Variants in CDIN1 observed in about 807,000 individuals in gnomAD.
The protein encoded by CDIN1 is CDAN1 interacting nuclease 1.
In CDIN1, 33 loss-of-function variants were observed where a neutral mutation model predicts 45.3. The observed-to-expected ratio is 0.73, with a 90% confidence interval of 0.55 to 0.97. CDIN1 has a LOEUF of 0.97. Ranked by LOEUF, CDIN1 falls within the 50% of genes least tolerant of loss-of-function variation. CDIN1 has a pLI of 0.00. For missense variants in CDIN1, 303 were observed against 339.4 expected (o/e 0.89, Z 0.84); for synonymous variants, 118 against 124.4 (o/e 0.95, Z 0.34).
chr15:36,719,643 G>T (rs1338822610), intron 10 of CDIN1, among the ~76,000 whole-genome samples: 4 of 152,074 alleles, frequency 2.6e-5, no homozygotes, highest in Non-Finnish European at 5.9e-5. Flanking sequence ...CTTAGTATGG[G>T]TTGGGAGGCA....
At chr15:36,643,905 A>G (rs764809778) in intron 1 of CDIN1, among the ~76,000 whole-genome samples, 5 of 152,246 alleles carry the variant, frequency 3.3e-5, no homozygotes, top group Non-Finnish European at 7.3e-5. Flanking sequence ...AATGAAGTGC[A>G]TGTTCTCTAC....
chr15:36,801,176 G>A (rs1336101856), intron 10 of CDIN1, among the ~76,000 whole-genome samples: 1 of 151,498 alleles, frequency 6.6e-6, no homozygotes, highest in African/African-American at 2.4e-5. Flanking sequence ...CTACTGCACT[G>A]AGAATCCTTG....
chr15:36,646,066 T>C (rs1381013497), intron 3 of CDIN1, among the ~76,000 whole-genome samples: 1 of 152,176 alleles, frequency 6.6e-6, no homozygotes, highest in Admixed American at 6.5e-5. Context: ...TGTTAGTTGG[T>C]TTCTTAAATC....
Position 36,619,185 on chromosome 15 carries a change from C to T in CDIN1, c.102-25093C>T, listed in dbSNP as rs2039034604. The stretch of plus-strand genomic sequence containing the variant: ...CTGGAAAAATCAGGGAACAGAGATG[C>T]CAGTTTAGTCGTAGGGCTATACCTC... On this transcript the variant is annotated intron_variant, in intron 1 of 10. Transcript: ENST00000566621. 6 of 1,256,154 alleles carry T rather than the reference C, an allele frequency of 4.8e-6. No individual in the cohort carries two copies. In the South Asian group the frequency reaches 8.4e-5, roughly 18 times the overall value. The allele number at this position is 1,256,154 out of a possible 1,614,324, so 77.8% of individuals were successfully genotyped here.
chr15:36,746,054 C>T (rs567001798), intron 10 of CDIN1, among the ~76,000 whole-genome samples: 6 of 152,204 alleles, frequency 3.9e-5, no homozygotes, highest in Admixed American at 6.5e-5. Flanking sequence ...ACAATTAGAG[C>T]GAAAGGAACA....
At chr15:36,632,729 G>A (rs1255755231) in intron 1 of CDIN1, among the ~76,000 whole-genome samples, 1 of 152,144 alleles carries the variant, frequency 6.6e-6, no homozygotes, top group Non-Finnish European at 1.5e-5. Context: ...GAAGGAGAGG[G>A]TTCTCTCCCC....
At chr15:36,722,348 A>G (rs1276738334) in intron 10 of CDIN1, among the ~76,000 whole-genome samples, 1 of 121,164 alleles carries the variant, frequency 8.3e-6, no homozygotes, top group Non-Finnish European at 1.8e-5. Flanking sequence ...TCAGACATCC[A>G]TATATTCTAC....
At chr15:36,669,722 G>T (rs2041376782) in intron 5 of CDIN1, among the ~76,000 whole-genome samples, 1 of 151,996 alleles carries the variant, frequency 6.6e-6, no homozygotes, top group Non-Finnish European at 1.5e-5. Flanking sequence ...GTTTTTGATG[G>T]TCATGATGTT....
At chr15:36,670,298 G>A (rs898850157) in intron 5 of CDIN1, among the ~76,000 whole-genome samples, 1 of 151,942 alleles carries the variant, frequency 6.6e-6, no homozygotes, top group Admixed American at 6.6e-5. Flanking sequence ...ATTCATTTCA[G>A]TGATAAACTA....
intron 5 of CDIN1, among the ~76,000 whole-genome samples, chr15:36,678,564 C>T (rs905072818): frequency 2.0e-5 from 3 of 152,134 alleles, no homozygotes; most frequent in Admixed American, 6.5e-5. Flanking sequence ...GAGAACTAGG[C>T]TCTCACAACA....
intron 1 of CDIN1, among the ~76,000 whole-genome samples, chr15:36,629,399 C>G (rs934870818): frequency 6.6e-6 from 1 of 152,112 alleles, no homozygotes; most frequent in Admixed American, 6.5e-5. Context: ...GAAAAACTTA[C>G]AATATTATTT....
intron 1 of CDIN1, among the ~76,000 whole-genome samples, chr15:36,588,693 TA>T (rs199604548): frequency 0.021 from 3,267 of 152,224 alleles, 104 homozygotes; most frequent in African/African-American, 0.074. Context: ...TTATTATTAT[TA>T]TTTTTTTACT....
intron 10 of CDIN1, among the ~76,000 whole-genome samples, chr15:36,786,604 C>T (rs1014621230): frequency 2.0e-5 from 3 of 152,128 alleles, no homozygotes; most frequent in African/African-American, 7.2e-5. Flanking sequence ...GTATACTGGC[C>T]ACCAATATAC....
chr15:36,802,534 T>C (rs1446508527), intron 10 of CDIN1, among the ~76,000 whole-genome samples: 1 of 152,184 alleles, frequency 6.6e-6, no homozygotes, highest in Non-Finnish European at 1.5e-5. Context: ...CTGAAGAGGA[T>C]GCCTTGAGGA....
chr15:36,689,344 C>T (rs1255506007), intron 5 of CDIN1, among the ~76,000 whole-genome samples: 1 of 151,990 alleles, frequency 6.6e-6, no homozygotes, highest in Non-Finnish European at 1.5e-5. Flanking sequence ...CAGGAGTTTG[C>T]ATATAGTTTG....
chr15:36,613,368 A>G lies in CDIN1; in HGVS notation c.102-30910A>G, dbSNP rs1595744120. On this transcript the variant is annotated intron_variant, in intron 1 of 10. Transcript: ENST00000566621. ...CGTAAAGTTAAAAAGATGTAAAGAT[A>G]AAAAAAGGATTCCTTGTCTTAAGAA... 9.6e-6 allele frequency: 6 copies of G among 627,732 alleles called. No homozygotes were observed. In the Admixed American group the frequency reaches 1.5e-4, roughly 16 times the overall value. 38.9% of individuals were successfully genotyped at this position (627,732 alleles called of 1,614,324 possible).
At chr15:36,665,518 A>G (rs2041214144) in intron 5 of CDIN1, among the ~76,000 whole-genome samples, 1 of 152,210 alleles carries the variant, frequency 6.6e-6, no homozygotes, top group Admixed American at 6.5e-5. Context: ...ATTTAAATAT[A>G]TGAAAAGCAA....
At chr15:36,801,382 A>G (rs2055040746) in intron 10 of CDIN1, among the ~76,000 whole-genome samples, 1 of 152,156 alleles carries the variant, frequency 6.6e-6, no homozygotes, top group South Asian at 2.1e-4. Flanking sequence ...CATAGAGCTG[A>G]AAACATGGGT....
At chr15:36,660,233 C>T (rs1033629149) in intron 5 of CDIN1, among the ~76,000 whole-genome samples, 5 of 152,114 alleles carry the variant, frequency 3.3e-5, no homozygotes, top group African/African-American at 1.2e-4. Context: ...TCCATCACCC[C>T]CTTCCCTGAC....
Sources: allele counts gnomAD v4.1 joint callset (sites outside exome capture counted in the v4.1 genomes callset), GRCh38; gene constraint gnomAD v4.1.1; transcripts MANE v1.5; gene names NCBI Gene and HGNC (gene_info 2026-07-23, HGNC 2026-07-21).